The following ABCB5 variants were observed in gnomAD, a reference collection of about 807,000 sequenced individuals.
The protein encoded by ABCB5 is ATP-binding cassette sub-family B member 5.
A neutral mutation model predicts 144.2 loss-of-function variants in ABCB5; 155 were observed. The observed-to-expected ratio is 1.08, with a 90% CI of 0.94 to 1.23. The LOEUF is 1.23. Ranked by LOEUF, ABCB5 falls within the 50% of genes most tolerant of loss-of-function variation. The pLI is 0.00. For synonymous variants in ABCB5, 610 were observed against 528.6 expected (o/e 1.15, Z -2.11); for missense variants, 1,830 against 1,520.8 (o/e 1.20, Z -3.38).
Position 20,742,962 on chromosome 7 carries a change from C to T in ABCB5, c.3110C>T (p.Ser1037Phe), listed in dbSNP as rs1175097183. The T allele has an allele frequency of 6.2e-7, 1 of 1,614,026 alleles. No individual in the cohort carries two copies. The highest frequency in any genetic ancestry group is 8.5e-7 in the Non-Finnish European group (1 of 1,180,042). ...GATGTTTTCATCCTCCGTGGCTTAT[C>T]CCTCAGTATTGAGCGAGGAAAGACA... Reference protein sequence around the residue: ...RPDVFILRGLSLSIERGKTVA... With the variant: ...RPDVFILRGLFLSIERGKTVA... The change falls in exon 25 of 28, where the codon TCC (serine) becomes TTC (phenylalanine). Residue 1037 changes from serine (S) to phenylalanine (F), a missense_variant. Coordinates refer to ENST00000404938, the MANE Select transcript of ABCB5 (RefSeq NM_001163941.2).
At chr7:20,661,080 C>T (rs897190276) in intron 14 of ABCB5, among the ~76,000 whole-genome samples, 1 of 152,344 alleles carries the variant, frequency 6.6e-6, no homozygotes, top group African/African-American at 2.4e-5. Flanking sequence ...AATCTGTTCT[C>T]AACACAGCAG....
Position 20,742,905 on chromosome 7 carries a change from G to C in ABCB5, c.3053G>C (p.Arg1018Pro), listed in dbSNP as rs781568123. ...ACATGTGAAGGGAATTTAGAGTTTC[G>C]AGAAGTCTCTTTCTTCTATCCATGT... ...PDTCEGNLEF[R>P]EVSFFYPCRP... is the part of the protein sequence containing the mutation. Residue 1018 changes from arginine to proline, a missense_variant, in exon 25 of 28, where the codon CGA becomes CCA. Physicochemically the swap from Arg to Pro is moderately radical, Grantham distance 103. Transcript: ENST00000404938. 2 of 1,614,126 alleles carry C rather than the reference G, an allele frequency of 1.2e-6. No homozygotes were observed. The highest frequency in any genetic ancestry group is 1.1e-5 in the South Asian group (1 of 91,062).
At chr7:20,647,366 A>G in intron 9 of ABCB5, 169 bp from the exon 10 acceptor site, 2 of 1,339,108 alleles carry the variant, frequency 1.5e-6, no homozygotes, top group Non-Finnish European at 1.9e-6. Context: ...CTTTTGGCTA[A>G]GATCAAGTGT....
At chr7:20,679,068 A>G (rs2128038088) in intron 14 of ABCB5, among the ~76,000 whole-genome samples, 1 of 152,308 alleles carries the variant, frequency 6.6e-6, no homozygotes, top group Admixed American at 6.5e-5. Context: ...TGGAGTAAAG[A>G]TTTCTTAAAA....
At position 20,681,421 on chromosome 7, in the gene ABCB5, C is replaced by T. The variant is rs1365748745; in HGVS notation, c.1708-84C>T. The T allele has an allele frequency of 4.1e-5, 60 of 1,470,062 alleles. 1 individual carries two copies. Among genetic ancestry groups the T allele is most frequent in the Non-Finnish European group, 4.7e-5 (51 of 1,088,090 alleles). The allele number at this position is 1,470,062 out of a possible 1,614,324, so 91.1% of individuals were successfully genotyped here. On this transcript the variant is annotated intron_variant, in intron 14 of 27. Transcript: ENST00000404938. ...GAATTACAGGCATGAGCCACCATGCCGGGTCAACAAAGATTTCTTAAACAG... is the reference window on the plus strand; with the variant it reads ...GAATTACAGGCATGAGCCACCATGCTGGGTCAACAAAGATTTCTTAAACAG...
intron 5 of ABCB5, 56 bp downstream of exon 5, chr7:20,632,169 C>A: frequency 7.9e-7 from 1 of 1,269,386 alleles, no homozygotes; most frequent in Non-Finnish European, 1.1e-6. Flanking sequence ...TTATTTAAAG[C>A]TTACAAGAAA....
At chr7:20,658,942 G>A in intron 14 of ABCB5, 1 of 1,121,552 alleles carries the variant, frequency 8.9e-7, no homozygotes, top group Non-Finnish European at 1.4e-6. Flanking sequence ...CATTCCAAGT[G>A]GTTTGCACTT....
At chr7:20,632,461 C>T (rs1462317831) in intron 5 of ABCB5, among the ~76,000 whole-genome samples, 1 of 152,162 alleles carries the variant, frequency 6.6e-6, no homozygotes, top group Non-Finnish European at 1.5e-5. Context: ...TTATGAGCCT[C>T]ATTGAAAATT....
At position 20,745,352 on chromosome 7, in the gene ABCB5, G is replaced by A. The variant is rs1562590883; in HGVS notation, c.3343G>A (p.Asp1115Asn). 9.3e-6 allele frequency: 15 copies of A among 1,614,014 alleles called. No individual in the cohort carries two copies. Among genetic ancestry groups the A allele is most frequent in the Admixed American group, 6.7e-5 (4 of 60,002 alleles). ...CATTGCTGAGAACATCGCCTATGGT[G>A]ACAACAGCCGTGTGGTGCCATTAGA... The part of the protein sequence containing the change: ...CSIAENIAYG[D>N]NSRVVPLDEI... Residue 1115 changes from aspartate (D) to asparagine (N), a missense_variant, in exon 26 of 28, where the codon GAC (aspartate) becomes AAC (asparagine). Coordinates refer to ENST00000404938, the MANE Select transcript of ABCB5 (RefSeq NM_001163941.2).
At chr7:20,745,567 G>A (rs117860234) in intron 26 of ABCB5, 129 bp downstream of exon 26, 1 of 942,852 alleles carries the variant, frequency 1.1e-6, no homozygotes, top group African/African-American at 1.7e-5. Context: ...TCTAAAGTTA[G>A]ATGTAAAACA....
intron 16 of ABCB5, among the ~76,000 whole-genome samples, chr7:20,696,126 C>T (rs867344164): frequency 6.6e-5 from 10 of 152,042 alleles, no homozygotes; most frequent in Non-Finnish European, 1.5e-5. Context: ...ATGTTCATAG[C>T]AGTTTTATGT....
chr7:20,749,207 T>G (rs1190128437), intron 26 of ABCB5, among the ~76,000 whole-genome samples: 1 of 45,778 alleles, frequency 2.2e-5, no homozygotes, highest in African/African-American at 9.3e-5. Context: ...TTCCCCTCCC[T>G]CCCTCCCTCC....
Position 20,716,436 on chromosome 7 carries a change from T to C in ABCB5, c.2422-6580T>C, listed in dbSNP as rs28733347. ...ATTGCACATCACAATATATATAAATTTTATGTAGCTATAGGAGCATTTAGT... is the reference window on the plus strand; with the variant it reads ...ATTGCACATCACAATATATATAAATCTTATGTAGCTATAGGAGCATTTAGT... On this transcript the variant is annotated intron_variant, in intron 20 of 27. Coordinates refer to ENST00000404938, the MANE Select transcript of ABCB5 (RefSeq NM_001163941.2). 1.8e-3 allele frequency among the ~76,000 whole-genome samples: 281 copies of C among 152,252 alleles called. 2 individuals are homozygous for C. The Middle Eastern group carries it at 0.027, about 15-fold the overall frequency.
intron 4 of ABCB5, among the ~76,000 whole-genome samples, chr7:20,630,273 T>A (rs1784010623): frequency 1.3e-5 from 2 of 152,302 alleles, no homozygotes; most frequent in African/African-American, 4.8e-5. Context: ...CAGACTGTCT[T>A]TTCATCAACA....
intron 11 of ABCB5, 56 bp downstream of exon 11, chr7:20,648,134 C>A: frequency 9.5e-7 from 1 of 1,056,340 alleles, no homozygotes. Flanking sequence ...CTTCTACTGG[C>A]CAAGATCTTC....
chr7:20,736,536 A>T (rs554243905), intron 23 of ABCB5, among the ~76,000 whole-genome samples: 1 of 152,244 alleles, frequency 6.6e-6, no homozygotes, highest in East Asian at 1.9e-4. Flanking sequence ...ACTTTAAAAT[A>T]TTTGTCATGA....
At chr7:20,647,318 G>A (rs1352650833) in intron 9 of ABCB5, 2 of 1,299,802 alleles carry the variant, frequency 1.5e-6, no homozygotes, top group Admixed American at 3.8e-5. Context: ...AAAGGCCAAG[G>A]ATACTTGGAT....
At chr7:20,678,040 T>C (rs1785671464) in intron 14 of ABCB5, among the ~76,000 whole-genome samples, 2 of 152,160 alleles carry the variant, frequency 1.3e-5, no homozygotes, top group African/African-American at 4.8e-5. Flanking sequence ...GTGCAATACA[T>C]GCACATTAAA....
At chr7:20,669,378 T>C (rs1382986280) in intron 14 of ABCB5, among the ~76,000 whole-genome samples, 4 of 145,408 alleles carry the variant, frequency 2.8e-5, no homozygotes, top group Non-Finnish European at 4.5e-5. Context: ...TTTTGTTCTG[T>C]ACTAAGAAAA....
Sources: gnomAD v4.1 joint callset for allele counts (sites outside exome capture counted in the v4.1 genomes callset) on GRCh38, gnomAD v4.1.1 for gene constraint, MANE v1.5 for transcripts, NCBI Gene and HGNC (gene_info 2026-07-23, HGNC 2026-07-21) for gene names.